GUCY2C: variants seen among roughly 807,000 people sequenced by gnomAD.
GUCY2C encodes the protein guanylyl cyclase C.
GUCY2C carries 118 observed loss-of-function variants against 131.1 expected under a neutral mutation model. The ratio of observed to expected loss-of-function variants is 0.90; its 90% CI spans 0.78 to 1.05. The LOEUF is 1.05. Ranked by LOEUF, GUCY2C falls within the 50% of genes least tolerant of loss-of-function variation. The pLI, the probability that GUCY2C is intolerant of heterozygous loss-of-function variation, is 0.00. For synonymous variants in GUCY2C, 452 were observed against 457.8 expected (o/e 0.99, Z 0.16); for missense variants, 1,161 against 1,304.4 (o/e 0.89, Z 1.69).
At chr12:14,643,740 G>A (rs773886038) in intron 16 of GUCY2C, 34 bp from the exon 17 acceptor site, 1 of 1,593,352 alleles carries the variant, frequency 6.3e-7, no homozygotes, top group Non-Finnish European at 8.6e-7. Context: ...AAACAGAAAT[G>A]TGACACACTT....
intron 1 of GUCY2C, among the ~76,000 whole-genome samples, chr12:14,691,003 T>A (rs1348540394): frequency 6.6e-6 from 1 of 152,216 alleles, no homozygotes; most frequent in Non-Finnish European, 1.5e-5. Context: ...GTTTGTAAAA[T>A]GGGATAATTT....
At chr12:14,614,806 G>A (rs2136966514) in intron 26 of GUCY2C, 61 bp downstream of exon 26, 1 of 1,000,382 alleles carries the variant, frequency 1.0e-6, no homozygotes, top group Admixed American at 2.4e-5. Context: ...TAAATTGGCT[G>A]TAACTAACAA....
intron 17 of GUCY2C, among the ~76,000 whole-genome samples, chr12:14,642,494 G>C (rs766089043): frequency 3.3e-5 from 5 of 152,018 alleles, no homozygotes; most frequent in Non-Finnish European, 7.4e-5. Flanking sequence ...TTCCTTATTT[G>C]GTTCTCTGTC....
intron 10 of GUCY2C, among the ~76,000 whole-genome samples, chr12:14,667,003 A>G (rs536848442): frequency 2.6e-5 from 4 of 152,122 alleles, no homozygotes; most frequent in Non-Finnish European, 5.9e-5. Context: ...TCACTTTAGG[A>G]ACACTTTTAC....
At chr12:14,653,630 T>A (rs936686585) in intron 12 of GUCY2C, among the ~76,000 whole-genome samples, 12 of 152,230 alleles carry the variant, frequency 7.9e-5, no homozygotes, top group African/African-American at 2.9e-4. Flanking sequence ...AGGCCACATA[T>A]GGCTCTTGGC....
chr12:14,641,900 G>A (rs1947412519), intron 17 of GUCY2C, among the ~76,000 whole-genome samples: 3 of 151,368 alleles, frequency 2.0e-5, no homozygotes, highest in Admixed American at 2.0e-4. Flanking sequence ...TCACACCACT[G>A]CACTCCAGCC....
rs535349983 is a variant in GUCY2C at position 14,614,879 on chromosome 12, G to A, written c.3035C>T (p.Thr1012Ile). ...GMKDQKFNLPTPPTVENQQRL... is the reference protein window; with the variant it reads ...GMKDQKFNLPIPPTVENQQRL... ...CCCAGAAGCTTACACAGTAGGAGGG[G>A]TTGGCAGGTTGAATTTCTGGTCCTT... is the stretch of plus-strand genomic sequence containing the variant. Residue 1012 changes from threonine to isoleucine, a missense_variant, in exon 26 of 27, where the codon ACC becomes ATC. Coordinates refer to ENST00000261170, the MANE Select transcript of GUCY2C (RefSeq NM_004963.4). The A allele has an allele frequency of 6.3e-7, 1 of 1,585,262 alleles. No homozygotes were observed. The highest frequency in any genetic ancestry group is 1.1e-5 in the South Asian group (1 of 87,344).
chr12:14,680,846 G>A (rs1049302740), intron 5 of GUCY2C, among the ~76,000 whole-genome samples: 1 of 152,074 alleles, frequency 6.6e-6, no homozygotes, highest in African/African-American at 2.4e-5. Context: ...TTTCCTACTT[G>A]GTCTCTAGCT....
At chr12:14,628,864 G>A (rs928832217) in intron 19 of GUCY2C, 127 bp from the exon 20 acceptor site, 17 of 635,856 alleles carry the variant, frequency 2.7e-5, no homozygotes, top group Admixed American at 7.8e-5. Flanking sequence ...AACTCAGTGC[G>A]GACAAGAGAT....
chr12:14,643,807 G>T, intron 16 of GUCY2C, 101 bp from the exon 17 acceptor site: 1 of 982,812 alleles, frequency 1.0e-6, no homozygotes, highest in South Asian at 1.5e-5. Context: ...TTCAGCAGAT[G>T]GTCACACCAT....
intron 20 of GUCY2C, among the ~76,000 whole-genome samples, chr12:14,627,286 G>A (rs547415422): frequency 5.3e-5 from 8 of 152,276 alleles, no homozygotes; most frequent in Admixed American, 4.6e-4. Context: ...AGAGATGTTT[G>A]TTAAAAATCC....
At chr12:14,653,082 C>A in intron 12 of GUCY2C, 68 bp from the exon 13 acceptor site, 1 of 1,126,404 alleles carries the variant, frequency 8.9e-7, no homozygotes, top group South Asian at 1.2e-5. Flanking sequence ...CTGTCAAAGG[C>A]TGAGAGGCTC....
At chr12:14,616,460 G>A (rs932527091) in intron 25 of GUCY2C, among the ~76,000 whole-genome samples, 173 bp downstream of exon 25, 1 of 152,154 alleles carries the variant, frequency 6.6e-6, no homozygotes, top group African/African-American at 2.4e-5. Flanking sequence ...GTAAAGGCAA[G>A]TTTTGAGTTC....
chr12:14,684,373 T>C (rs1469119026), intron 3 of GUCY2C, among the ~76,000 whole-genome samples: 1 of 152,082 alleles, frequency 6.6e-6, no homozygotes, highest in Non-Finnish European at 1.5e-5. Context: ...CTCATCTCTC[T>C]ACTCATTAAA....
At position 14,672,882 on chromosome 12, in the gene GUCY2C, G is replaced by A. The variant is rs375279933; in HGVS notation, c.1161C>T (p.Asp387=). The A allele has an allele frequency of 1.3e-6, 2 of 1,588,920 alleles. No homozygotes were observed. The highest frequency in any genetic ancestry group is 2.2e-5 in the South Asian group (2 of 90,314). Residue 387 remains aspartate, a synonymous_variant, in exon 9 of 27, where the codon GAC becomes GAT. Transcript: ENST00000261170. The part of the protein sequence containing the change: ...STMVLLYTSV[D]TKKYKVLLTY... ...AAGCAGTGAGACATACTTTCTTGGT[G>A]TCCACAGAGGTATACAGAAGCACCA...
chr12:14,679,878 TC>T, intron 5 of GUCY2C, 125 bp from the exon 6 acceptor site: 1 of 538,468 alleles, frequency 1.9e-6, no homozygotes, highest in South Asian at 2.5e-5. Context: ...AAACTCCAAT[TC>T]CTTAAATTCC....
chr12:14,620,545 T>C (rs1426880600), intron 23 of GUCY2C, among the ~76,000 whole-genome samples: 3 of 152,226 alleles, frequency 2.0e-5, no homozygotes, highest in African/African-American at 7.2e-5. Flanking sequence ...GTAACTTTCA[T>C]GGTCTTTGAA....
chr12:14,679,108 A>C (rs1948294652), intron 6 of GUCY2C, among the ~76,000 whole-genome samples: 1 of 152,234 alleles, frequency 6.6e-6, no homozygotes, highest in South Asian at 2.1e-4. Context: ...TTAGCAACTG[A>C]AGGAGAAAAA....
intron 10 of GUCY2C, among the ~76,000 whole-genome samples, chr12:14,668,685 T>C (rs531183115): frequency 2.0e-5 from 3 of 152,096 alleles, no homozygotes; most frequent in Non-Finnish European, 4.4e-5. Context: ...GATTTAAGAC[T>C]TTTTCTTAAA....
Sources: allele counts gnomAD v4.1 joint callset (sites outside exome capture counted in the v4.1 genomes callset), GRCh38; gene constraint gnomAD v4.1.1; transcripts MANE v1.5; gene names NCBI Gene and HGNC (gene_info 2026-07-23, HGNC 2026-07-21).